Variants in PPP2R3A observed in about 807,000 individuals in gnomAD.
PPP2R3A encodes serine/threonine-protein phosphatase 2A regulatory subunit B'' subunit alpha.
A neutral mutation model predicts 106.9 loss-of-function variants in PPP2R3A; 80 were observed. The observed-to-expected ratio is 0.75, with a 90% CI of 0.62 to 0.90. PPP2R3A has a LOEUF of 0.90. Ranked by LOEUF, PPP2R3A falls within the 40% of genes least tolerant of loss-of-function variation. The pLI is 0.00. For missense variants in PPP2R3A, 1,386 were observed against 1,350.4 expected (o/e 1.03, Z -0.41); for synonymous variants, 483 against 468.3 (o/e 1.03, Z -0.41).
chr3:136,117,420 T>C (rs2107994088), intron 13 of PPP2R3A, among the ~76,000 whole-genome samples: 1 of 152,162 alleles, frequency 6.6e-6, no homozygotes, highest in African/African-American at 2.4e-5. Context: ...TGAAAAGCCC[T>C]TCGAAAAATC....
At chr3:136,036,192 A>G (rs148245681) in intron 3 of PPP2R3A, among the ~76,000 whole-genome samples, 620 of 152,092 alleles carry the variant, frequency 4.1e-3, no homozygotes, top group Middle Eastern at 0.014. Flanking sequence ...TAGCTTAATA[A>G]CTAACCTTCT....
At chr3:136,042,133 T>A (rs1258535560) in intron 4 of PPP2R3A, among the ~76,000 whole-genome samples, 1 of 152,264 alleles carries the variant, frequency 6.6e-6, no homozygotes, top group Non-Finnish European at 1.5e-5. Context: ...TAAAAGCCCT[T>A]AATAGGATAA....
At chr3:136,032,563 T>C (rs563526349) in intron 3 of PPP2R3A, among the ~76,000 whole-genome samples, 1 of 151,954 alleles carries the variant, frequency 6.6e-6, no homozygotes, top group African/African-American at 2.4e-5. Flanking sequence ...AGTCTCGCTC[T>C]GTCGCCCAGG....
At position 136,001,789 on chromosome 3, in the gene PPP2R3A, C is replaced by G; in HGVS notation, c.291C>G (p.Val97=). 1 of 1,614,120 alleles carries G rather than the reference C, an allele frequency of 6.2e-7. No homozygotes were observed. Among genetic ancestry groups the G allele is most frequent in the Admixed American group, 1.7e-5 (1 of 60,004 alleles). The change falls in exon 2 of 14, where the codon GTC becomes GTG. Residue 97 remains valine, a synonymous_variant. Transcript: ENST00000264977. ...PQQAFTGIPR[V]KRGSTFQNTY... Reference sequence around the variant, plus strand: ...AGGCCTTCACAGGCATACCCAGGGTCAAGAGAGGATCTACATTTCAGAATA... The same window carrying G: ...AGGCCTTCACAGGCATACCCAGGGTGAAGAGAGGATCTACATTTCAGAATA...
chr3:136,120,048 T>A (rs1937933098), intron 13 of PPP2R3A, among the ~76,000 whole-genome samples: 1 of 151,966 alleles, frequency 6.6e-6, no homozygotes, highest in South Asian at 2.1e-4. Context: ...GTTCACGTCC[T>A]TTGCAGGGAC....
At chr3:136,084,699 G>A (rs1352144633) in intron 8 of PPP2R3A, among the ~76,000 whole-genome samples, 3 of 152,240 alleles carry the variant, frequency 2.0e-5, no homozygotes, top group Non-Finnish European at 4.4e-5. Context: ...CAAAGGCACA[G>A]GGGTGGACCT....
chr3:136,047,624 G>A (rs1344438963), intron 4 of PPP2R3A, among the ~76,000 whole-genome samples: 6 of 152,130 alleles, frequency 3.9e-5, no homozygotes, highest in Admixed American at 2.6e-4. Context: ...AGAACAGGCC[G>A]GGCGTGGTGG....
At chr3:135,989,066 A>G (rs913887522) in intron 1 of PPP2R3A, among the ~76,000 whole-genome samples, 1 of 152,178 alleles carries the variant, frequency 6.6e-6, no homozygotes, top group African/African-American at 2.4e-5. Context: ...TTTTAAGAAC[A>G]CTTTTTAGCT....
intron 6 of PPP2R3A, among the ~76,000 whole-genome samples, chr3:136,077,985 A>C (rs1197987220): frequency 6.6e-6 from 1 of 152,194 alleles, no homozygotes; most frequent in African/African-American, 2.4e-5. Flanking sequence ...CCTTCTGACC[A>C]GTTAATCAAT....
rs773574549 is a variant in PPP2R3A, at chr3:136,147,340, G to A, written c.*2174G>A. ...GATTACGACACTGCACTCCAGCCTA[G>A]GCGACAGAGCAAGACCCCATTCTCT... On this transcript the variant is annotated 3_prime_UTR_variant, in exon 14 of 14. Transcript: ENST00000264977. 3 of 152,600 alleles carry A rather than the reference G, an allele frequency of 2.0e-5. No individual in the cohort carries two copies. Among genetic ancestry groups the A allele is most frequent in the Non-Finnish European group, 4.4e-5 (3 of 68,046 alleles). 9.5% of individuals were successfully genotyped at this position (152,600 alleles called of 1,614,324 possible).
intron 9 of PPP2R3A, among the ~76,000 whole-genome samples, chr3:136,089,604 GTT>G (rs542806670): frequency 1.0e-4 from 14 of 139,526 alleles, no homozygotes; most frequent in African/African-American, 1.6e-4. Flanking sequence ...GAATGGTGTT[GTT>G]TTTTTTTTTT....
intron 5 of PPP2R3A, among the ~76,000 whole-genome samples, chr3:136,057,389 T>C (rs760597548): frequency 2.0e-5 from 3 of 152,134 alleles, no homozygotes; most frequent in Non-Finnish European, 4.4e-5. Context: ...GGCCATTATG[T>C]TAAATGAGCA....
In PPP2R3A at chr3:136,059,629, A is replaced by G. The variant is rs115548595; in HGVS notation, c.2469+10268A>G. 4.4e-3 allele frequency among the ~76,000 whole-genome samples: 667 copies of G among 152,398 alleles called. 4 individuals are homozygous for G. The highest frequency in any genetic ancestry group is 0.015 in the African/African-American group (637 of 41,602). On this transcript the variant is annotated intron_variant, in intron 5 of 13. Coordinates refer to ENST00000264977, the MANE Select transcript of PPP2R3A (RefSeq NM_002718.5). ...TGACCCAGCAGCCCCATTACTGGGTATGTATACAAAGGAATATAAATCATT... is the reference window on the plus strand; with the variant it reads ...TGACCCAGCAGCCCCATTACTGGGTGTGTATACAAAGGAATATAAATCATT...
chr3:136,074,999 G>A (rs576712221), intron 6 of PPP2R3A, among the ~76,000 whole-genome samples: 48 of 152,234 alleles, frequency 3.2e-4, no homozygotes, highest in Non-Finnish European at 4.4e-4. Flanking sequence ...GTGAGAGCCA[G>A]GCTTCCAGCA....
Position 136,002,510 on chromosome 3 carries a change from G to A in PPP2R3A, c.1012G>A (p.Val338Ile), listed in dbSNP as rs1262179980. The A allele has an allele frequency of 6.2e-7, 1 of 1,614,082 alleles. No homozygotes were observed. The highest frequency in any genetic ancestry group is 1.3e-5 in the African/African-American group (1 of 75,052). The change falls in exon 2 of 14, where the codon GTC (valine) becomes ATC (isoleucine). Residue 338 changes from valine (V) to isoleucine (I), a missense_variant. Physicochemically the swap from Val to Ile is conservative, Grantham distance 29 (BLOSUM62 3). Coordinates refer to ENST00000264977, the MANE Select transcript of PPP2R3A (RefSeq NM_002718.5). ...TEQPPKYEDV[V>I]QLSASDSGRF... ...ACAACCCCCTAAATATGAAGATGTT[G>A]TCCAGCTCTCAGCTTCTGACTCTGG...
At chr3:136,014,729 T>C (rs1934211317) in intron 2 of PPP2R3A, among the ~76,000 whole-genome samples, 1 of 152,120 alleles carries the variant, frequency 6.6e-6, no homozygotes, top group Admixed American at 6.6e-5. Context: ...AGCTTTTGGA[T>C]GAGTCTTTAG....
intron 5 of PPP2R3A, among the ~76,000 whole-genome samples, chr3:136,060,151 G>A (rs566389028): frequency 1.3e-5 from 2 of 152,064 alleles, no homozygotes; most frequent in East Asian, 1.9e-4. Flanking sequence ...AAGATAATAC[G>A]GTATATATAC....
chr3:136,055,562 C>A, intron 5 of PPP2R3A: 1 of 1,384,364 alleles, frequency 7.2e-7, no homozygotes, highest in Non-Finnish European at 1.0e-6. Context: ...CTCAAATCTT[C>A]ACAGAGCGGG....
Position 136,049,240 on chromosome 3 carries a change from G to A in PPP2R3A, c.2367-19G>A. 6.4e-7 allele frequency: 1 copy of A among 1,555,346 alleles called. No individual in the cohort carries two copies. Among genetic ancestry groups the A allele is most frequent in the Non-Finnish European group, 8.8e-7 (1 of 1,133,766 alleles). ...TGTTCAGAGGAACTAATCTTCCTAA[G>A]CAGTTGTTTCTTTTATAGGTTGCTG... On this transcript the variant is annotated intron_variant, in intron 4 of 13. Transcript: ENST00000264977.
Sources: gnomAD v4.1 joint callset for allele counts (sites outside exome capture counted in the v4.1 genomes callset) on GRCh38, gnomAD v4.1.1 for gene constraint, MANE v1.5 for transcripts, NCBI Gene and HGNC (gene_info 2026-07-23, HGNC 2026-07-21) for gene names.